HYDIN: variants seen among roughly 807,000 people sequenced by gnomAD.
HYDIN encodes axonemal central pair apparatus protein HYDIN.
Under a neutral mutation model 403.9 loss-of-function variants are expected in HYDIN, and 132 were observed. The ratio of observed to expected loss-of-function variants is 0.33; its 90% CI spans 0.28 to 0.38. The LOEUF is 0.38. Among genes scored for constraint, HYDIN ranks in the 10% least tolerant of loss-of-function variants. The pLI is 1.00. For missense variants in HYDIN, 2,827 were observed against 5,009.5 expected (o/e 0.56, Z 13.15); for synonymous variants, 1,202 against 1,891.7 (o/e 0.64, Z 9.46).
At chr16:70,933,171 G>A (rs1450599865) in intron 45 of HYDIN, among the ~76,000 whole-genome samples, 1 of 152,144 alleles carries the variant, frequency 6.6e-6, no homozygotes. Context: ...GACAGCTGGG[G>A]ATGGGGAAGA....
Position 70,959,792 on chromosome 16 carries a change from G to C in HYDIN, c.5997C>G (p.His1999Gln). The change falls in exon 39 of 86, where the codon CAC (histidine) becomes CAG (glutamine). Residue 1999 changes from histidine (H) to glutamine (Q), a missense_variant. Transcript: ENST00000393567. ...CCACCTCTCCAACTTCCTCCATGGA[G>C]TGGCTGTCAATGCTCTGAAGCTTGT... The part of the protein sequence containing the change: ...QTDKLQSIDS[H>Q]SMEEVGEVEN... 2.2e-6 allele frequency: 2 copies of C among 913,404 alleles called. No individual in the cohort carries two copies. The highest frequency in any genetic ancestry group is 3.2e-6 in the Non-Finnish European group (2 of 617,304). 56.6% of individuals were successfully genotyped at this position (913,404 alleles called of 1,614,324 possible). A position where few individuals can be genotyped will look rare whatever the true frequency, so the allele number is the denominator to read the frequency against.
intron 12 of HYDIN, chr16:71,081,115 A>T (rs987644221): frequency 6.6e-6 from 1 of 152,022 alleles, no homozygotes; most frequent in African/African-American, 2.4e-5. Context: ...GAAGCTACTA[A>T]ATTTGTGATA....
In HYDIN at chr16:71,069,452, T is replaced by C. The variant is rs2082386704; in HGVS notation, c.1789A>G (p.Met597Val). Residue 597 changes from methionine (M) to valine (V), a missense_variant, in exon 14 of 86, where the codon ATG (methionine) becomes GTG (valine). Coordinates refer to ENST00000393567, the MANE Select transcript of HYDIN (RefSeq NM_001270974.2). ...CSLNNTSLIP[M>V]TYKLRIPGDG... Reference sequence around the variant, plus strand: ...CCAGGGATACGCAGTTTGTAAGTCATGGGGATCAAAGAGGTATTATTGAGG... The same window carrying C: ...CCAGGGATACGCAGTTTGTAAGTCACGGGGATCAAAGAGGTATTATTGAGG... 5.6e-6 allele frequency: 9 copies of C among 1,613,960 alleles called. No individual in the cohort carries two copies. Among genetic ancestry groups the C allele is most frequent in the East Asian group, 4.5e-5 (2 of 44,860 alleles).
chr16:71,025,081 T>C (rs946866251), intron 21 of HYDIN, among the ~76,000 whole-genome samples: 5 of 152,200 alleles, frequency 3.3e-5, no homozygotes, highest in Non-Finnish European at 5.9e-5. Context: ...TTGGGTTTAT[T>C]TTACCTGATT....
chr16:71,163,326 G>A (rs1411815149), intron 5 of HYDIN, among the ~76,000 whole-genome samples: 1 of 151,952 alleles, frequency 6.6e-6, no homozygotes, highest in African/African-American at 2.4e-5. Context: ...GTTTCACCAT[G>A]TTAGCCAGGA....
intron 39 of HYDIN, among the ~76,000 whole-genome samples, chr16:70,956,381 T>C (rs1480917054): frequency 2.6e-5 from 4 of 152,226 alleles, no homozygotes; most frequent in Non-Finnish European, 5.9e-5. Context: ...TGTAACTGTA[T>C]TTCTTATAAA....
intron 60 of HYDIN, among the ~76,000 whole-genome samples, chr16:70,882,418 A>G (rs2040864673): frequency 6.6e-6 from 1 of 152,208 alleles, no homozygotes; most frequent in Admixed American, 6.5e-5. Flanking sequence ...TGAGCATTCA[A>G]TGGAGGAATG....
At chr16:71,011,408 GA>G (rs1489777065) in intron 23 of HYDIN, among the ~76,000 whole-genome samples, 4 of 152,282 alleles carry the variant, frequency 2.6e-5, no homozygotes, top group Non-Finnish European at 4.4e-5. Flanking sequence ...CCACATCTTA[GA>G]AAAGTTCCAC....
At chr16:71,173,072 C>A (rs1201832699) in intron 5 of HYDIN, among the ~76,000 whole-genome samples, 1 of 152,190 alleles carries the variant, frequency 6.6e-6, no homozygotes, top group Non-Finnish European at 1.5e-5. Context: ...ACTACGCCAT[C>A]ATCAGTGCTA....
chr16:71,193,912 T>G (rs1415732326), intron 1 of HYDIN, among the ~76,000 whole-genome samples: 2 of 152,106 alleles, frequency 1.3e-5, no homozygotes, highest in East Asian at 1.9e-4. Flanking sequence ...CCAGCAAAAA[T>G]TTTTTTGCTC....
At chr16:71,167,353 TG>T (rs554420722) in intron 5 of HYDIN, among the ~76,000 whole-genome samples, 146 of 149,462 alleles carry the variant, frequency 9.8e-4, no homozygotes, top group African/African-American at 3.4e-3. Flanking sequence ...AGCCAGCATA[TG>T]TTTTTTTGGG....
intron 50 of HYDIN, among the ~76,000 whole-genome samples, chr16:70,906,068 A>G (rs1335677677): frequency 2.0e-5 from 3 of 151,960 alleles, no homozygotes; most frequent in Non-Finnish European, 2.9e-5. Context: ...GAAACATTGT[A>G]TTGAATGAAG....
intron 22 of HYDIN, among the ~76,000 whole-genome samples, chr16:71,019,347 G>C (rs1304804962): frequency 1.2e-4 from 19 of 152,250 alleles, no homozygotes; most frequent in Non-Finnish European, 2.8e-4. Flanking sequence ...GGGCTTAAAC[G>C]ATTCTGGTAT....
rs543808041 is a variant in HYDIN at position 70,907,607 on chromosome 16, G to C, written c.8397-116C>G. 3 of 392,298 alleles carry C rather than the reference G, an allele frequency of 7.6e-6. No homozygotes were observed. In the East Asian group the frequency reaches 1.5e-4, roughly 20 times the overall value. 24.3% of individuals were successfully genotyped at this position (392,298 alleles called of 1,614,324 possible). A position where few individuals can be genotyped will look rare whatever the true frequency, so the allele number is the denominator to read the frequency against. ...GCTCAACACGGGATCCGGGCATCTGGAGACAGAGTGACTCTTCTTTGTCCC... is the reference window on the plus strand; with the variant it reads ...GCTCAACACGGGATCCGGGCATCTGCAGACAGAGTGACTCTTCTTTGTCCC... On this transcript the variant is annotated intron_variant, in intron 49 of 85. Transcript: ENST00000393567.
chr16:71,221,025 G>A (rs557179690), intron 1 of HYDIN, among the ~76,000 whole-genome samples: 1 of 152,242 alleles, frequency 6.6e-6, no homozygotes, highest in African/African-American at 2.4e-5. Flanking sequence ...AAATTTGGTA[G>A]GAGATAATCC....
intron 1 of HYDIN, among the ~76,000 whole-genome samples, chr16:71,225,239 G>A (rs554668226): frequency 6.6e-6 from 1 of 152,144 alleles, no homozygotes; most frequent in Non-Finnish European, 1.5e-5. Flanking sequence ...TCCAGTTGCA[G>A]GTTTTTCGTA....
rs201309160 is a variant in HYDIN, at chr16:70,943,875, G to C, written c.6606C>G (p.Thr2202=). 8.1e-6 allele frequency: 13 copies of C among 1,613,702 alleles called. No homozygotes were observed. In the Admixed American group the frequency reaches 1.2e-4, roughly 14 times the overall value. Reference sequence around the variant, plus strand: ...CCGGGAGCACACAGCTCATCAGCCCGGTCTCGCCTCCGACACTGGGACTAA... The same window carrying C: ...CCGGGAGCACACAGCTCATCAGCCCCGTCTCGCCTCCGACACTGGGACTAA... ...LSVSPSVGGE[T]GLMSCVLPDE... The change falls in exon 42 of 86, where the codon ACC becomes ACG. Residue 2202 remains threonine, a synonymous_variant. Transcript: ENST00000393567.
chr16:71,201,383 G>A lies in HYDIN; in HGVS notation c.-23-14465C>T, dbSNP rs542025833. 2.0e-4 allele frequency among the ~76,000 whole-genome samples: 30 copies of A among 151,984 alleles called. No individual in the cohort carries two copies. In the East Asian group the frequency reaches 3.1e-3, roughly 16 times the overall value. ...CTTCATTTAAAAAAAGAATAATTTC[G>A]CAGATATTTATTGGTTTTTACTATC... is the stretch of plus-strand genomic sequence containing the variant. On this transcript the variant is annotated intron_variant, in intron 1 of 85. Transcript: ENST00000393567.
intron 1 of HYDIN, among the ~76,000 whole-genome samples, chr16:71,209,640 C>T (rs560403381): frequency 3.3e-5 from 5 of 152,250 alleles, no homozygotes; most frequent in East Asian, 1.9e-4. Flanking sequence ...GAAAACCCCA[C>T]GGTCTCTGCC....
Sources: gnomAD v4.1 joint callset for allele counts (sites outside exome capture counted in the v4.1 genomes callset) on GRCh38, gnomAD v4.1.1 for gene constraint, MANE v1.5 for transcripts, NCBI Gene and HGNC (gene_info 2026-07-23, HGNC 2026-07-21) for gene names.